The following PHIP variants were observed in gnomAD, a reference collection of about 807,000 sequenced individuals.
The protein encoded by PHIP is PH-interacting protein.
Under a neutral mutation model 236.8 loss-of-function variants are expected in PHIP, and 54 were observed. The observed-to-expected ratio is 0.23, with a 90% CI of 0.18 to 0.29. The LOEUF (loss-of-function observed/expected upper bound fraction) is 0.29. Ranked by LOEUF, PHIP falls within the 10% of genes least tolerant of loss-of-function variation. The probability of loss-of-function intolerance (pLI) is 1.00; values close to 1 mark genes in which losing one functional copy is unlikely to be tolerated. For synonymous variants in PHIP, 756 were observed against 718.9 expected (o/e 1.05, Z -0.83); for missense variants, 1,370 against 2,190.8 (o/e 0.63, Z 7.48).
intron 7 of PHIP, among the ~76,000 whole-genome samples, chr6:79,039,357 G>A (rs1772097095): frequency 6.6e-6 from 1 of 152,086 alleles, no homozygotes; most frequent in Non-Finnish European, 1.5e-5. Flanking sequence ...CCCTAAGTCT[G>A]CAATATCCAA....
chr6:78,970,698 G>T, intron 25 of PHIP, 83 bp downstream of exon 25: 1 of 851,250 alleles, frequency 1.2e-6, no homozygotes, highest in Non-Finnish European at 1.9e-6. Flanking sequence ...TTCTTATTGT[G>T]TTAATAGTAA....
At chr6:79,058,441 G>T (rs1562215705) in intron 6 of PHIP, among the ~76,000 whole-genome samples, 1 of 151,922 alleles carries the variant, frequency 6.6e-6, no homozygotes, top group African/African-American at 2.4e-5. Flanking sequence ...TAAATATTTG[G>T]TTCCCTTTTA....
intron 6 of PHIP, 71 bp from the exon 7 acceptor site, chr6:79,043,074 T>C: frequency 8.0e-7 from 1 of 1,256,660 alleles, no homozygotes; most frequent in Non-Finnish European, 1.1e-6. Context: ...CTTTTAAGAA[T>C]TCACATACTC....
intron 23 of PHIP, among the ~76,000 whole-genome samples, chr6:78,979,307 A>G (rs2127715664): frequency 6.6e-6 from 1 of 152,256 alleles, no homozygotes; most frequent in East Asian, 1.9e-4. Flanking sequence ...GCCAACACTC[A>G]CAACAAGGTA....
At position 78,939,115 on chromosome 6, in the gene PHIP, G is replaced by A. The variant is rs1406899889; in HGVS notation, c.*1578C>T. The A allele has an allele frequency of 6.6e-6, 1 of 151,568 alleles. No homozygotes were observed. The highest frequency in any genetic ancestry group is 1.5e-5 in the Non-Finnish European group (1 of 67,626). 9.4% of individuals were successfully genotyped at this position (151,568 alleles called of 1,614,324 possible). On this transcript the variant is annotated 3_prime_UTR_variant, in exon 40 of 40. Coordinates refer to ENST00000275034, the MANE Select transcript of PHIP (RefSeq NM_017934.7). ...AATGGACAGTAATTTTTAAACAATA[G>A]AAATGGTAAGTATGTTGGTTTTTAA... is the stretch of plus-strand genomic sequence containing the variant.
intron 23 of PHIP, among the ~76,000 whole-genome samples, chr6:78,982,158 A>C (rs1768583229): frequency 6.6e-6 from 1 of 152,022 alleles, no homozygotes; most frequent in Admixed American, 6.6e-5. Flanking sequence ...TCTTTTGGGA[A>C]GCAGAAAACA....
intron 39 of PHIP, 91 bp from the exon 40 acceptor site, chr6:78,941,421 T>C (rs952033017): frequency 8.9e-6 from 7 of 784,466 alleles, no homozygotes; most frequent in African/African-American, 8.7e-5. Context: ...GGTATACTTA[T>C]ATGTAATGAC....
intron 4 of PHIP, among the ~76,000 whole-genome samples, chr6:79,061,728 A>G (rs1201146738): frequency 6.6e-6 from 1 of 152,084 alleles, no homozygotes; most frequent in African/African-American, 2.4e-5. Flanking sequence ...AAGGAACTTC[A>G]ATACATTTTA....
chr6:78,997,389 C>T (rs1461462338), intron 19 of PHIP, 25 bp downstream of exon 19: 3 of 1,602,700 alleles, frequency 1.9e-6, no homozygotes, highest in Admixed American at 3.3e-5. Flanking sequence ...AACTATGGTA[C>T]ATAAAAATTC....
chr6:78,985,463 T>C (rs374029843), intron 21 of PHIP, 35 bp from the exon 22 acceptor site: 4 of 989,478 alleles, frequency 4.0e-6, no homozygotes, highest in Non-Finnish European at 4.9e-6. Context: ...TATTGCATAA[T>C]TTTATAAAAT....
Position 79,040,003 on chromosome 6 carries a change from C to T in PHIP, c.600+2840G>A, listed in dbSNP as rs143647979. ...ATTTCATTATCAATTACAATGATTT[C>T]CTTTTTAATTCTTGTATACCATTTA... On this transcript the variant is annotated intron_variant, in intron 7 of 39. Transcript: ENST00000275034. 6.4e-4 allele frequency among the ~76,000 whole-genome samples: 97 copies of T among 152,046 alleles called. 1 individual carries two copies. The South Asian group carries it at 8.1e-3, about 13-fold the overall frequency.
chr6:79,005,628 AG>A lies in PHIP; in HGVS notation c.1525-1771del, dbSNP rs1397723820. Among the ~76,000 whole-genome samples, 10 of 152,042 alleles carry A rather than the reference AG, an allele frequency of 6.6e-5. 1 individual carries two copies. On this transcript the variant is annotated intron_variant, in intron 15 of 39. Coordinates refer to ENST00000275034, the MANE Select transcript of PHIP (RefSeq NM_017934.7). ...CAGAAGCCAAGAGAGAGAACAAAAAAGCAACTACTTTATAAATCTACTCTAA... is the reference window on the plus strand; with the variant it reads ...CAGAAGCCAAGAGAGAGAACAAAAAACAACTACTTTATAAATCTACTCTAA...
intron 17 of PHIP, among the ~76,000 whole-genome samples, chr6:79,001,668 G>A (rs1443510544): frequency 1.3e-5 from 2 of 152,012 alleles, no homozygotes; most frequent in Non-Finnish European, 2.9e-5. Flanking sequence ...CTACCTTATT[G>A]ATCCCTAGGG....
In PHIP at chr6:78,978,542, T is replaced by C. The variant is rs375312036; in HGVS notation, c.2889+50A>G. On this transcript the variant is annotated intron_variant, in intron 24 of 39. Coordinates refer to ENST00000275034, the MANE Select transcript of PHIP (RefSeq NM_017934.7). ...GTCTATTTCAAGAGCTGTTAAAAAATGTTTAAAACTATGTGAGGAAAAATG... is the reference window on the plus strand; with the variant it reads ...GTCTATTTCAAGAGCTGTTAAAAAACGTTTAAAACTATGTGAGGAAAAATG... 29 of 1,470,724 alleles carry C rather than the reference T, an allele frequency of 2.0e-5. No homozygotes were observed. In the African/African-American group the frequency reaches 3.9e-4, roughly 20 times the overall value. 91.1% of individuals were successfully genotyped at this position (1,470,724 alleles called of 1,614,324 possible).
intron 27 of PHIP, among the ~76,000 whole-genome samples, chr6:78,968,118 G>C (rs1172936824): frequency 6.6e-6 from 1 of 152,256 alleles, no homozygotes; most frequent in South Asian, 2.1e-4. Flanking sequence ...CTGGGTGACA[G>C]AGCGAGACTC....
At chr6:78,997,674 A>G in intron 18 of PHIP, 77 bp from the exon 19 acceptor site, 1 of 1,127,028 alleles carries the variant, frequency 8.9e-7, no homozygotes, top group Non-Finnish European at 1.3e-6. Context: ...AAAGAGATAA[A>G]ACACTATCTT....
intron 16 of PHIP, among the ~76,000 whole-genome samples, chr6:79,002,536 C>T (rs1770056333): frequency 6.6e-6 from 1 of 152,070 alleles, no homozygotes; most frequent in Non-Finnish European, 1.5e-5. Context: ...CACAAATCAT[C>T]CCTTTGTCCA....
chr6:79,061,536 A>G (rs1433760294), intron 4 of PHIP, among the ~76,000 whole-genome samples: 1 of 152,160 alleles, frequency 6.6e-6, no homozygotes, highest in East Asian at 1.9e-4. Context: ...TTAAAGATTC[A>G]CAGAAATGTA....
At chr6:79,003,987 G>A in intron 15 of PHIP, 129 bp from the exon 16 acceptor site, 1 of 534,994 alleles carries the variant, frequency 1.9e-6, no homozygotes, top group South Asian at 4.0e-5. Context: ...AACAAGCATT[G>A]TACAGTAATA....
Sources: allele counts gnomAD v4.1 joint callset (sites outside exome capture counted in the v4.1 genomes callset), GRCh38; gene constraint gnomAD v4.1.1; transcripts MANE v1.5; gene names NCBI Gene and HGNC (gene_info 2026-07-23, HGNC 2026-07-21).